PSMD1: variants seen among roughly 807,000 people sequenced by gnomAD.
The protein encoded by PSMD1 is 26S proteasome non-ATPase regulatory subunit 1.
PSMD1 carries 18 observed loss-of-function variants against 119.0 expected under a neutral mutation model. The ratio of observed to expected loss-of-function variants is 0.15; its 90% CI spans 0.10 to 0.22. The LOEUF (loss-of-function observed/expected upper bound fraction) is 0.22. Among genes scored for constraint, PSMD1 ranks in the 10% least tolerant of loss-of-function variants. The probability of loss-of-function intolerance (pLI) is 1.00; values close to 1 mark genes in which losing one functional copy is unlikely to be tolerated. For missense variants in PSMD1, 702 were observed against 1,158.5 expected (o/e 0.61, Z 5.72); for synonymous variants, 374 against 396.6 (o/e 0.94, Z 0.68).
intron 9 of PSMD1, 112 bp downstream of exon 9, chr2:231,077,274 A>G (rs1694191309): frequency 1.2e-6 from 1 of 857,752 alleles, no homozygotes. Context: ...TTTCCAATTA[A>G]GGAAAAAGTA....
chr2:231,144,418 ATTTTTTTTTTTTTTTTTT>A (rs751682132), intron 17 of PSMD1, among the ~76,000 whole-genome samples: 8 of 75,192 alleles, frequency 1.1e-4, no homozygotes, highest in East Asian at 9.0e-4. Context: ...CGCCCAGCTA[ATTTTTTTTTTTTTTTTTT>A]TTTTTTTTTT....
At chr2:231,123,372 A>T in intron 16 of PSMD1, 1 of 1,348,922 alleles carries the variant, frequency 7.4e-7, no homozygotes, top group Non-Finnish European at 1.1e-6. Flanking sequence ...AGTATATCAT[A>T]GTTCTGTGGT....
chr2:231,159,482 C>A (rs1436153280), intron 19 of PSMD1, among the ~76,000 whole-genome samples: 1 of 152,186 alleles, frequency 6.6e-6, no homozygotes, highest in Non-Finnish European at 1.5e-5. Flanking sequence ...ACCTAGTAAT[C>A]CTGGACCTAC....
intron 18 of PSMD1, among the ~76,000 whole-genome samples, chr2:231,153,117 A>C (rs1356103091): frequency 1.3e-5 from 2 of 152,224 alleles, no homozygotes; most frequent in African/African-American, 4.8e-5. Context: ...TTCATGCAAA[A>C]GATACCTCAC....
In PSMD1 at chr2:231,138,865, C is replaced by T. The variant is rs1300471383; in HGVS notation, c.1998+15C>T. On this transcript the variant is annotated intron_variant, in intron 17 of 24. Transcript: ENST00000308696. ...CAGGAAACAAGGTAAAGCCCACAGC[C>T]AATGGGGTCAGTTCTTTCTTGGCGC... 3.2e-6 allele frequency: 5 copies of T among 1,572,064 alleles called. No individual in the cohort carries two copies. Among genetic ancestry groups the T allele is most frequent in the Non-Finnish European group, 2.6e-6 (3 of 1,141,888 alleles).
At chr2:231,079,814 G>A (rs1265720680) in intron 11 of PSMD1, among the ~76,000 whole-genome samples, 200 bp downstream of exon 11, 1 of 152,048 alleles carries the variant, frequency 6.6e-6, no homozygotes, top group Non-Finnish European at 1.5e-5. Flanking sequence ...GTGGAAATTT[G>A]TTTCTATAAA....
chr2:231,126,612 C>T (rs1416773271), intron 16 of PSMD1, among the ~76,000 whole-genome samples: 1 of 151,818 alleles, frequency 6.6e-6, no homozygotes, highest in Non-Finnish European at 1.5e-5. Context: ...ATGAAATAAG[C>T]CTTTATTGAT....
At chr2:231,102,000 T>G (rs1242849190) in intron 16 of PSMD1, among the ~76,000 whole-genome samples, 1 of 152,158 alleles carries the variant, frequency 6.6e-6, no homozygotes, top group Non-Finnish European at 1.5e-5. Context: ...TTGTTTGTTT[T>G]GCAAAGACAG....
Position 231,078,668 on chromosome 2 carries a change from C to T in PSMD1, c.1081C>T (p.Arg361Trp). 1.2e-6 allele frequency: 2 copies of T among 1,604,890 alleles called. No individual in the cohort carries two copies. Among genetic ancestry groups the T allele is most frequent in the Non-Finnish European group, 1.7e-6 (2 of 1,176,752 alleles). ...MILKNTKDAVRNSVCHTATVI... is the reference protein window; with the variant it reads ...MILKNTKDAVWNSVCHTATVI... ...GTATTTGTTGTTGCAGGATGCAGTA[C>T]GGAATTCTGTATGTCATACTGCAAC... Residue 361 changes from arginine to tryptophan, a missense_variant, in exon 10 of 25, where the codon CGG (arginine) becomes TGG (tryptophan). Arg to Trp is a moderately radical substitution (Grantham distance 101). This residue lies in a region of PSMD1 where 272 missense variants were observed against 511.6 expected (regional missense o/e 0.53). Coordinates refer to ENST00000308696, the MANE Select transcript of PSMD1 (RefSeq NM_002807.4).
intron 16 of PSMD1, chr2:231,113,858 A>T: frequency 6.2e-7 from 1 of 1,614,186 alleles, no homozygotes; most frequent in Non-Finnish European, 8.5e-7. Context: ...TGCATGATGG[A>T]TGCGGTTGAA....
At chr2:231,165,097 A>C in intron 21 of PSMD1, 103 bp from the exon 22 acceptor site, 1 of 232,502 alleles carries the variant, frequency 4.3e-6, no homozygotes, top group Non-Finnish European at 7.6e-6. Context: ...TATATGTAAT[A>C]CAGCTAGGAA....
intron 7 of PSMD1, among the ~76,000 whole-genome samples, chr2:231,075,284 T>C (rs563278545): frequency 6.6e-6 from 1 of 152,368 alleles, no homozygotes; most frequent in East Asian, 1.9e-4. Context: ...TTGTATTTGT[T>C]GTCCATGGTT....
intron 16 of PSMD1, among the ~76,000 whole-genome samples, chr2:231,099,467 C>T (rs191219823): frequency 1.5e-4 from 23 of 152,276 alleles, no homozygotes; most frequent in African/African-American, 4.8e-4. Context: ...TCATTTGTTG[C>T]TTTTTCCTAA....
At chr2:231,115,075 T>C in intron 16 of PSMD1, among the ~76,000 whole-genome samples, 1 of 152,110 alleles carries the variant, frequency 6.6e-6, no homozygotes, top group Non-Finnish European at 1.5e-5. Context: ...ATTGTCATAA[T>C]TGAAGGAAAA....
intron 16 of PSMD1, among the ~76,000 whole-genome samples, chr2:231,137,943 G>T (rs1166971529): frequency 1.3e-5 from 2 of 152,028 alleles, no homozygotes; most frequent in Non-Finnish European, 2.9e-5. Context: ...AAAATCATTA[G>T]CCCACAGCTT....
At chr2:231,152,809 A>G (rs543345755) in intron 18 of PSMD1, among the ~76,000 whole-genome samples, 162 of 152,356 alleles carry the variant, frequency 1.1e-3, no homozygotes, top group Non-Finnish European at 1.6e-3. Flanking sequence ...AAAACAGAGA[A>G]GTGTAAGACA....
chr2:231,088,836 G>A (rs1291497487), intron 16 of PSMD1, among the ~76,000 whole-genome samples: 1 of 152,218 alleles, frequency 6.6e-6, no homozygotes, highest in African/African-American at 2.4e-5. Flanking sequence ...AAAGCTTAGT[G>A]AGGAAGACAT....
chr2:231,080,441 AT>A (rs552299853), intron 12 of PSMD1, 127 bp downstream of exon 12: 38,181 of 570,086 alleles, frequency 0.067, no homozygotes, highest in East Asian at 0.095. Flanking sequence ...GTCATCTTGG[AT>A]TTTTTTTTTT....
intron 18 of PSMD1, among the ~76,000 whole-genome samples, chr2:231,147,268 GGATCACTT>G (rs1166673391): frequency 6.6e-6 from 1 of 152,208 alleles, no homozygotes; most frequent in Non-Finnish European, 1.5e-5. Flanking sequence ...TGAGGTGGGA[GGATCACTT>G]GAGCCCAGGA....
Sources: gnomAD v4.1 joint callset for allele counts (sites outside exome capture counted in the v4.1 genomes callset) on GRCh38, gnomAD v4.1.1 for gene constraint, gnomAD v4.1.1 regional missense constraint, MANE v1.5 for transcripts, NCBI Gene and HGNC (gene_info 2026-07-23, HGNC 2026-07-21) for gene names.